The following CELF2 variants were observed in gnomAD, a reference collection of about 807,000 sequenced individuals.
The protein encoded by CELF2 is CUG triplet repeat RNA-binding protein 2.
A neutral mutation model predicts 62.6 loss-of-function variants in CELF2; 8 were observed. The ratio of observed to expected loss-of-function variants is 0.13; its 90% CI spans 0.07 to 0.23. The LOEUF is 0.23. CELF2 is among the 10% of genes least tolerant of loss of function. The pLI is 1.00. For missense variants in CELF2, 333 were observed against 671.0 expected, an observed-to-expected ratio of 0.50 and a Z score of 5.56; for synonymous variants, 258 against 250.0, an observed-to-expected ratio of 1.03 and a Z score of -0.30.
At chr10:11,308,652 T>A (rs2094400311) in intron 9 of CELF2, among the ~76,000 whole-genome samples, 1 of 152,250 alleles carries the variant, frequency 6.6e-6, no homozygotes, top group Admixed American at 6.5e-5. Flanking sequence ...TCAATTCAGG[T>A]CACATTTATT....
chr10:10,854,663 G>T (rs560008269), intron 1 of CELF2, among the ~76,000 whole-genome samples: 2 of 151,940 alleles, frequency 1.3e-5, no homozygotes, highest in African/African-American at 4.8e-5. Context: ...TGCCTCTCCA[G>T]TGCACAGCAA....
the CELF2 span, among the ~76,000 whole-genome samples, chr10:10,475,365 T>C: frequency 6.6e-6 from 1 of 151,872 alleles, no homozygotes; most frequent in Non-Finnish European, 1.5e-5. Flanking sequence ...AACACACCAA[T>C]CTGCCCATGT....
chr10:11,278,564 C>A (rs1342572148), intron 8 of CELF2, among the ~76,000 whole-genome samples: 1 of 152,182 alleles, frequency 6.6e-6, no homozygotes, highest in Non-Finnish European at 1.5e-5. Context: ...TTGTTTATAA[C>A]AACTATCAAC....
At chr10:10,479,042 T>A in the CELF2 span, among the ~76,000 whole-genome samples, 72 of 152,312 alleles carry the variant, frequency 4.7e-4, no homozygotes, top group South Asian at 8.3e-4. Flanking sequence ...CTGCTCTGAT[T>A]TTTTTACGTT....
chr10:10,736,462 G>A, the CELF2 span, among the ~76,000 whole-genome samples: 5 of 142,376 alleles, frequency 3.5e-5, no homozygotes, highest in Admixed American at 2.9e-4. Context: ...TATCACATAT[G>A]TCAAATAGGC....
chr10:10,677,100 T>C, the CELF2 span, among the ~76,000 whole-genome samples: 5 of 152,218 alleles, frequency 3.3e-5, no homozygotes, highest in African/African-American at 1.2e-4. Flanking sequence ...ATGAGGGCTA[T>C]AGCAATGTAT....
chr10:10,716,811 C>A, the CELF2 span, among the ~76,000 whole-genome samples: 1 of 152,156 alleles, frequency 6.6e-6, no homozygotes, highest in African/African-American at 2.4e-5. Context: ...CCAACACTTT[C>A]GCTGCAACAT....
the CELF2 span, among the ~76,000 whole-genome samples, chr10:10,514,879 A>G: frequency 2.0e-5 from 3 of 152,220 alleles, no homozygotes; most frequent in Admixed American, 6.5e-5. Context: ...GTCATGTGGC[A>G]TGATTCAAAT....
Position 10,926,544 on chromosome 10 carries a change from C to A in CELF2, c.89+6545C>A, listed in dbSNP as rs574140599. On this transcript the variant is annotated intron_variant, in intron 2 of 13. Transcript: ENST00000636488. ...AGCACAAAACGGACTACAGCCAGCA[C>A]CCTGGTACACCGTCTGCCATCTTCA... is the stretch of plus-strand genomic sequence containing the variant. Among the ~76,000 whole-genome samples, 6 of 152,330 alleles carry A rather than the reference C, an allele frequency of 3.9e-5. No individual in the cohort carries two copies. In the South Asian group the frequency reaches 1.2e-3, roughly 32 times the overall value.
intron 1 of CELF2, among the ~76,000 whole-genome samples, chr10:10,915,399 A>G (rs2064236246): frequency 6.6e-6 from 1 of 152,062 alleles, no homozygotes; most frequent in Admixed American, 6.6e-5. Context: ...TTTGACTAAG[A>G]GTAGCCTTTT....
chr10:11,149,181 A>G (rs1370741429), intron 1 of CELF2, among the ~76,000 whole-genome samples: 2 of 151,882 alleles, frequency 1.3e-5, no homozygotes, highest in Non-Finnish European at 1.5e-5. Flanking sequence ...AGCGATTCTC[A>G]TGCCTCAGCC....
In CELF2 at chr10:11,244,218, C is replaced by G. The variant is rs778867749; in HGVS notation, c.355-4935C>G. ...GGTGTGGCCACTGGCTGCCGCCTGT[C>G]CTGGCACCTAGGGAAGATTTCATTC... On this transcript the variant is annotated intron_variant, in intron 3 of 12. Transcript: ENST00000633077. The surrounding 1 kb of genome is among the most constrained non-coding windows in gnomAD (Gnocchi z 4.2). 5.9e-5 allele frequency among the ~76,000 whole-genome samples: 9 copies of G among 152,264 alleles called. No homozygotes were observed. Among genetic ancestry groups the G allele is most frequent in the Non-Finnish European group, 1.3e-4 (9 of 68,054 alleles).
At chr10:10,618,538 C>A in the CELF2 span, among the ~76,000 whole-genome samples, 1 of 152,082 alleles carries the variant, frequency 6.6e-6, no homozygotes, top group African/African-American at 2.4e-5. Context: ...ACTCAAAGCA[C>A]CCCGACCATT....
In CELF2 at chr10:11,321,153, C is replaced by A; in HGVS notation, c.1097-36C>A. On this transcript the variant is annotated intron_variant, in intron 10 of 12. Coordinates refer to ENST00000633077, the MANE Select transcript of CELF2 (RefSeq NM_001326342.2). The surrounding 1 kb of genome is among the most constrained non-coding windows in gnomAD (Gnocchi z 6.2). ...TTTGGAAAGCACTAATGAATAAGTG[C>A]TGTTTCTCTTCTCTATTGTTGGGTT... 2 of 1,602,060 alleles carry A rather than the reference C, an allele frequency of 1.2e-6. No individual in the cohort carries two copies.
At chr10:11,205,643 T>C (rs1050917682) in intron 2 of CELF2, among the ~76,000 whole-genome samples, 4 of 152,188 alleles carry the variant, frequency 2.6e-5, no homozygotes, top group African/African-American at 9.7e-5. Context: ...TGAATGGGCA[T>C]GAGAAGACTA....
chr10:10,534,390 C>G, the CELF2 span, among the ~76,000 whole-genome samples: 3 of 152,070 alleles, frequency 2.0e-5, no homozygotes, highest in African/African-American at 7.2e-5. Context: ...AGTATGTTTG[C>G]TGATAGGGAC....
rs780965966 is a variant in CELF2, at chr10:11,018,083, C to A, written c.-7C>A. ...CCCCGCCGCTGCCGCCGCGTGCGCC[C>A]GCGAACATGACTTCTGCCTTCAAGC... is the stretch of plus-strand genomic sequence containing the variant. On this transcript the variant is annotated 5_prime_UTR_variant, in exon 1 of 13. Coordinates refer to ENST00000633077, the MANE Select transcript of CELF2 (RefSeq NM_001326342.2). 1.4e-6 allele frequency: 2 copies of A among 1,466,496 alleles called. No homozygotes were observed. Among genetic ancestry groups the A allele is most frequent in the Non-Finnish European group, 1.8e-6 (2 of 1,097,156 alleles). The allele number at this position is 1,466,496 out of a possible 1,614,324, so 90.8% of individuals were successfully genotyped here.
intron 1 of CELF2, among the ~76,000 whole-genome samples, chr10:10,919,072 A>T (rs2064621587): frequency 6.6e-6 from 1 of 152,106 alleles, no homozygotes; most frequent in Admixed American, 6.6e-5. Context: ...GGAGGTCGAG[A>T]CTAGCCTGGT....
intron 1 of CELF2, among the ~76,000 whole-genome samples, chr10:11,126,437 GT>G (rs1245879701): frequency 6.6e-6 from 1 of 152,110 alleles, no homozygotes; most frequent in East Asian, 1.9e-4. Flanking sequence ...CTCACTAGAC[GT>G]TTTCAAGATG....
Sources: gnomAD v4.1 joint callset for allele counts (sites outside exome capture counted in the v4.1 genomes callset) on GRCh38, gnomAD v4.1.1 for gene constraint, Gnocchi (gnomAD v3.1) non-coding constraint, MANE v1.5 for transcripts, NCBI Gene and HGNC (gene_info 2026-07-23, HGNC 2026-07-21) for gene names.